The following UNC13C variants were observed in gnomAD, a reference collection of about 807,000 sequenced individuals.
The protein encoded by UNC13C is protein unc-13 homolog C.
UNC13C carries 174 observed loss-of-function variants against 245.4 expected under a neutral mutation model. The observed-to-expected ratio is 0.71, with a 90% CI of 0.63 to 0.80. The LOEUF is 0.80. Ranked by LOEUF, UNC13C falls within the 30% of genes least tolerant of loss-of-function variation. The pLI is 0.00. For synonymous variants in UNC13C, 992 were observed against 895.1 expected (o/e 1.11, Z -1.93); for missense variants, 2,829 against 2,602.9 (o/e 1.09, Z -1.89).
Position 54,015,225 on chromosome 15 carries a change from C to T in UNC13C, c.2322C>T (p.Ala774=), listed in dbSNP as rs1441366485. ...TGCAAAGTGATGATTCAGAGGATGC[C>T]CCACCCAAATCATGGCATAGTCGAT... ...SELQSDDSED[A]PPKSWHSRLS... Residue 774 remains alanine, a synonymous_variant, in exon 2 of 33, where the codon GCC becomes GCT. Transcript: ENST00000260323. 3 of 1,613,168 alleles carry T rather than the reference C, an allele frequency of 1.9e-6. No individual in the cohort carries two copies. Among genetic ancestry groups the T allele is most frequent in the African/African-American group, 1.3e-5 (1 of 74,950 alleles).
chr15:54,501,253 C>T (rs1894197115), intron 22 of UNC13C, among the ~76,000 whole-genome samples: 1 of 152,090 alleles, frequency 6.6e-6, no homozygotes, highest in Non-Finnish European at 1.5e-5. Flanking sequence ...AAATTACTCC[C>T]ATTTCAAATG....
chr15:53,845,470 A>G, the UNC13C span, among the ~76,000 whole-genome samples: 1 of 152,156 alleles, frequency 6.6e-6, no homozygotes, highest in African/African-American at 2.4e-5. Context: ...CAGCCCTCCT[A>G]CTTTGCCTAC....
At chr15:54,337,974 C>T (rs774917391) in intron 16 of UNC13C, among the ~76,000 whole-genome samples, 40 of 152,114 alleles carry the variant, frequency 2.6e-4, no homozygotes, top group Non-Finnish European at 5.3e-4. Flanking sequence ...ATATATTTTA[C>T]GTATTTATTT....
intron 29 of UNC13C, among the ~76,000 whole-genome samples, chr15:54,562,157 G>C (rs934943800): frequency 1.3e-5 from 2 of 151,962 alleles, no homozygotes; most frequent in Non-Finnish European, 2.9e-5. Context: ...AGTTCTATTT[G>C]AGTTCTATGT....
chr15:54,011,756 A>G (rs770785182), intron 1 of UNC13C, among the ~76,000 whole-genome samples: 3 of 152,084 alleles, frequency 2.0e-5, no homozygotes, highest in Non-Finnish European at 4.4e-5. Flanking sequence ...CTCCTCTTCT[A>G]TGCTCCCCTT....
chr15:54,605,459 G>T lies in UNC13C; in HGVS notation c.6107-16868G>T, dbSNP rs528271592. On this transcript the variant is annotated intron_variant, in intron 30 of 32. Coordinates refer to ENST00000260323, the MANE Select transcript of UNC13C (RefSeq NM_001080534.3). ...GCTCTCAAAAATACTCTTTTGTCTT[G>T]CTTTGGAGCCCCCATACTTGTAGGT... 1.6e-4 allele frequency among the ~76,000 whole-genome samples: 25 copies of T among 152,174 alleles called. No homozygotes were observed. In the South Asian group the frequency reaches 5.2e-3, roughly 32 times the overall value.
At chr15:54,414,177 T>C (rs1163971900) in intron 18 of UNC13C, among the ~76,000 whole-genome samples, 1 of 151,892 alleles carries the variant, frequency 6.6e-6, no homozygotes, top group Non-Finnish European at 1.5e-5. Context: ...CCAGAGGGAG[T>C]GAGGAATCTT....
rs35637614 is a variant in UNC13C, at chr15:54,500,357, TA to T, written c.5157+196del. On this transcript the variant is annotated intron_variant, in intron 21 of 32. Coordinates refer to ENST00000260323, the MANE Select transcript of UNC13C (RefSeq NM_001080534.3). ...ACCCTAGAAACTTGCCTACATTTAT[TA>T]AAAAAAAAAAAAATCAATCACCCAT... Among the ~76,000 whole-genome samples the T allele has an allele frequency of 6.7e-3, 962 of 143,716 alleles. 11 individuals carry two copies. The highest frequency in any genetic ancestry group is 0.014 in the African/African-American group (537 of 39,570). The allele number at this position is 143,716 out of a possible 152,430, so 94.3% of individuals were successfully genotyped here. A position where few individuals can be genotyped will look rare whatever the true frequency, so the allele number is the denominator to read the frequency against.
intron 30 of UNC13C, among the ~76,000 whole-genome samples, chr15:54,614,994 C>CAGATGCCCTTTATTGGGTTTT (rs1900337140): frequency 6.6e-6 from 1 of 151,980 alleles, no homozygotes; most frequent in Non-Finnish European, 1.5e-5. Context: ...ATTTTTGTTT[C>CAGATGCCCTTTATTGGGTTTT]AGATGCCCTT....
At chr15:54,549,493 T>C in intron 27 of UNC13C, 142 bp from the exon 28 acceptor site, 1 of 637,928 alleles carries the variant, frequency 1.6e-6, no homozygotes, top group Non-Finnish European at 2.7e-6. Context: ...CCAATCTTTA[T>C]AATAGACCAA....
At chr15:54,450,389 C>T (rs973801033) in intron 19 of UNC13C, among the ~76,000 whole-genome samples, 1 of 152,218 alleles carries the variant, frequency 6.6e-6, no homozygotes, top group East Asian at 1.9e-4. Context: ...CAGAGGCCGG[C>T]AGGCCTCCTT....
intron 2 of UNC13C, among the ~76,000 whole-genome samples, chr15:54,129,773 G>C (rs1251620951): frequency 1.3e-5 from 2 of 151,036 alleles, no homozygotes; most frequent in Non-Finnish European, 3.0e-5. Flanking sequence ...TAATAATATT[G>C]TTTATATGTA....
intron 2 of UNC13C, among the ~76,000 whole-genome samples, chr15:54,078,459 T>C (rs1415841932): frequency 6.6e-6 from 1 of 152,194 alleles, no homozygotes; most frequent in Non-Finnish European, 1.5e-5. Context: ...CTGCCAATAG[T>C]GTATAAGTGT....
In UNC13C at chr15:54,300,367, C is replaced by G. The variant is rs2037547385; in HGVS notation, c.4262C>G (p.Ala1421Gly). The G allele has an allele frequency of 2.5e-6, 4 of 1,570,430 alleles. No homozygotes were observed. The highest frequency in any genetic ancestry group is 2.7e-5 in the African/African-American group (2 of 74,114). Reference sequence around the variant, plus strand: ...TATGGAATTGAATCCATTTATCAAGCTATGACGTAAGTACTACAGAACATT... The same window carrying G: ...TATGGAATTGAATCCATTTATCAAGGTATGACGTAAGTACTACAGAACATT... ...MRYGIESIYQ[A>G]MTHFSCLSSK... The change falls in exon 13 of 33, where the codon GCT (alanine) becomes GGT (glycine). Residue 1421 changes from alanine (A) to glycine (G), a missense_variant. Physicochemically the swap from Ala to Gly is moderately conservative, Grantham distance 60. Coordinates refer to ENST00000260323, the MANE Select transcript of UNC13C (RefSeq NM_001080534.3).
At chr15:54,292,892 TATTA>T (rs933672405) in intron 10 of UNC13C, among the ~76,000 whole-genome samples, 10 of 148,416 alleles carry the variant, frequency 6.7e-5, no homozygotes, top group African/African-American at 2.4e-4. Context: ...CATATATCTA[TATTA>T]ATTATAGATA....
the UNC13C span, among the ~76,000 whole-genome samples, chr15:53,903,852 TG>T: frequency 1.3e-5 from 2 of 152,056 alleles, no homozygotes; most frequent in Non-Finnish European, 2.9e-5. Context: ...ATAGCTACAT[TG>T]GTGTTGTGGA....
intron 30 of UNC13C, among the ~76,000 whole-genome samples, chr15:54,576,597 A>C (rs1016543625): frequency 1.3e-5 from 2 of 152,116 alleles, no homozygotes; most frequent in Non-Finnish European, 2.9e-5. Flanking sequence ...GTAGAAATCC[A>C]AGCTAAATGT....
At chr15:54,408,162 T>A (rs1374016946) in intron 18 of UNC13C, among the ~76,000 whole-genome samples, 1 of 119,914 alleles carries the variant, frequency 8.3e-6, no homozygotes, top group African/African-American at 3.2e-5. Context: ...ATGGCGCCAC[T>A]GCACTCCAGC....
intron 19 of UNC13C, among the ~76,000 whole-genome samples, chr15:54,455,238 T>TATATAAAA (rs1416569966): frequency 1.4e-5 from 1 of 70,146 alleles, no homozygotes; most frequent in Non-Finnish European, 2.8e-5. Context: ...TATATATATA[T>TATATAAAA]GTTTTTTAAT....
Sources: allele counts gnomAD v4.1 joint callset (sites outside exome capture counted in the v4.1 genomes callset), GRCh38; gene constraint gnomAD v4.1.1; transcripts MANE v1.5; gene names NCBI Gene and HGNC (gene_info 2026-07-23, HGNC 2026-07-21).